Variants in C11orf65 observed in about 807,000 individuals in gnomAD.
The protein encoded by C11orf65 is chromosome 11 open reading frame 65.
Under a neutral mutation model 35.3 loss-of-function variants are expected in C11orf65, and 38 were observed. The observed-to-expected ratio is 1.08, with a 90% confidence interval of 0.83 to 1.41. The LOEUF is 1.41. Among genes scored for constraint, C11orf65 ranks in the 40% most tolerant of loss-of-function variants. The pLI is 0.00. For missense variants in C11orf65, 370 were observed against 367.1 expected, an observed-to-expected ratio of 1.01 and a Z score of -0.06; for synonymous variants, 105 against 114.4, an observed-to-expected ratio of 0.92 and a Z score of 0.53.
chr11:108,439,232 G>A (rs1253900135), intron 2 of C11orf65, among the ~76,000 whole-genome samples: 1 of 152,114 alleles, frequency 6.6e-6, no homozygotes, highest in East Asian at 1.9e-4. Flanking sequence ...CAAAAAAGAT[G>A]ATCAATATCA....
At chr11:108,427,892 G>A (rs1393579844) in intron 3 of C11orf65, among the ~76,000 whole-genome samples, 2 of 117,036 alleles carry the variant, frequency 1.7e-5, no homozygotes, top group East Asian at 2.6e-4. Flanking sequence ...GTGCAGTGGC[G>A]GGATCTCGGC....
intron 1 of C11orf65, among the ~76,000 whole-genome samples, chr11:108,463,458 CTT>C (rs1375174302): frequency 6.6e-6 from 1 of 151,820 alleles, no homozygotes; most frequent in Non-Finnish European, 1.5e-5. Context: ...ATGAAAAAAA[CTT>C]ATGTCTTTTT....
chr11:108,352,928 T>TG (rs1479191024), intron 2 of C11orf65, among the ~76,000 whole-genome samples: 1 of 152,042 alleles, frequency 6.6e-6, no homozygotes, highest in Non-Finnish European at 1.5e-5. Flanking sequence ...GTCAGAGGGC[T>TG]GGGTGATAGG....
intron 2 of C11orf65, chr11:108,366,045 AAAAC>A: frequency 5.7e-6 from 1 of 175,966 alleles, no homozygotes; most frequent in East Asian, 9.8e-5. Context: ...AAAAAAAAAA[AAAAC>A]AGAAACGTAT....
chr11:108,410,676 T>C (rs2092637743), intron 3 of C11orf65, among the ~76,000 whole-genome samples: 1 of 151,648 alleles, frequency 6.6e-6, no homozygotes, highest in Non-Finnish European at 1.5e-5. Flanking sequence ...TATTCATTGA[T>C]TTCTGATTTT....
chr11:108,384,893 A>G (rs1422476652), intron 8 of C11orf65, among the ~76,000 whole-genome samples: 1 of 152,206 alleles, frequency 6.6e-6, no homozygotes. Flanking sequence ...GGCTTTGGCT[A>G]TGTTAAAATT....
At chr11:108,348,114 T>C (rs1042971498) in intron 2 of C11orf65, among the ~76,000 whole-genome samples, 2 of 152,090 alleles carry the variant, frequency 1.3e-5, no homozygotes, top group Non-Finnish European at 2.9e-5. Context: ...TTGTAAATAG[T>C]AAGAAAGTGA....
chr11:108,343,160 T>G (rs916021017), intron 2 of C11orf65: 27 of 1,595,230 alleles, frequency 1.7e-5, no homozygotes, highest in Non-Finnish European at 2.1e-5. Flanking sequence ...GATAGCTGAA[T>G]GATCATCAAA....
At chr11:108,449,255 G>T (rs2093311991) in intron 2 of C11orf65, among the ~76,000 whole-genome samples, 1 of 151,922 alleles carries the variant, frequency 6.6e-6, no homozygotes, top group African/African-American at 2.4e-5. Flanking sequence ...AGCTACCAAT[G>T]ACTTTCTTCA....
At chr11:108,328,982 T>C (rs1430033021), downstream of C11orf65, 1 of 1,558,642 alleles carries the variant, frequency 6.4e-7, no homozygotes, top group Admixed American at 1.7e-5. Flanking sequence ...GTATTTAGTA[T>C]TTGTAAATAT....
intron 8 of C11orf65, among the ~76,000 whole-genome samples, chr11:108,384,298 G>A (rs2091936977): frequency 1.3e-5 from 2 of 152,140 alleles, no homozygotes; most frequent in African/African-American, 4.8e-5. Flanking sequence ...GCAGTGAGCT[G>A]GAAATAGGTG....
chr11:108,406,867 C>T lies in C11orf65; in HGVS notation c.325G>A (p.Ala109Thr). The change falls in exon 5 of 9, where the codon GCA becomes ACA. Residue 109 changes from alanine (A) to threonine (T), a missense_variant. Ala to Thr is a moderately conservative substitution (Grantham distance 58, BLOSUM62 0). Coordinates refer to ENST00000393084, the MANE Select transcript of C11orf65 (RefSeq NM_152587.5). ...TTTTTATTATGAGATGTATGCTTTGCTGGAAGTTTTGCATAATTTCTAGGG... is the reference window on the plus strand; with the variant it reads ...TTTTTATTATGAGATGTATGCTTTGTTGGAAGTTTTGCATAATTTCTAGGG... ...NSPRNYAKLPAKHTSHNKNDH... is the reference protein window; with the variant it reads ...NSPRNYAKLPTKHTSHNKNDH... The T allele has an allele frequency of 1.9e-6, 3 of 1,612,632 alleles. No homozygotes were observed. Among genetic ancestry groups the T allele is most frequent in the East Asian group, 4.5e-5 (2 of 44,800 alleles).
At chr11:108,331,284 C>A (rs2086205069), downstream of C11orf65, 2 of 1,383,652 alleles carry the variant, frequency 1.4e-6, no homozygotes, top group African/African-American at 2.9e-5. Flanking sequence ...GAAAGACCTT[C>A]AGATAAGAAA....
At chr11:108,449,112 C>A (rs1442127592) in intron 2 of C11orf65, among the ~76,000 whole-genome samples, 1 of 152,178 alleles carries the variant, frequency 6.6e-6, no homozygotes. Flanking sequence ...GAACTACAAA[C>A]CACTACTCAG....
intron 2 of C11orf65, chr11:108,365,296 C>G (rs1791487703): frequency 6.2e-7 from 1 of 1,614,032 alleles, no homozygotes; most frequent in Non-Finnish European, 8.5e-7. Flanking sequence ...CTGTTCACCT[C>G]ACTGAAACCT....
chr11:108,463,498 T>C lies in C11orf65; in HGVS notation c.-9-1930A>G, dbSNP rs187624915. On this transcript the variant is annotated intron_variant, in intron 1 of 8. Transcript: ENST00000393084. Reference sequence around the variant, plus strand: ...CTTTCCCTACAAATAGCCTTATTAATATAGGAGGCATGGGAAGACAGGTTA... The same window carrying C: ...CTTTCCCTACAAATAGCCTTATTAACATAGGAGGCATGGGAAGACAGGTTA... 7.1e-4 allele frequency among the ~76,000 whole-genome samples: 108 copies of C among 152,302 alleles called. 1 individual carries two copies. The highest frequency in any genetic ancestry group is 2.5e-3 in the African/African-American group (102 of 41,578).
At chr11:108,333,297 A>C (rs932531894) in intron 3 of C11orf65, among the ~76,000 whole-genome samples, 1 of 152,182 alleles carries the variant, frequency 6.6e-6, no homozygotes, top group Non-Finnish European at 1.5e-5. Context: ...CATTTCTTCC[A>C]TAGGTGCTAA....
chr11:108,360,282 G>T (rs1211562987), intron 2 of C11orf65, among the ~76,000 whole-genome samples: 1 of 151,982 alleles, frequency 6.6e-6, no homozygotes, highest in Non-Finnish European at 1.5e-5. Flanking sequence ...AGTAACAGGA[G>T]CTGAAATTGT....
chr11:108,334,289 G>GT (rs1350840723), intron 3 of C11orf65, among the ~76,000 whole-genome samples: 1 of 152,112 alleles, frequency 6.6e-6, no homozygotes, highest in African/African-American at 2.4e-5. Context: ...TGGCAAGGAA[G>GT]GTTCCAATTG....
Sources: allele counts gnomAD v4.1 joint callset (sites outside exome capture counted in the v4.1 genomes callset), GRCh38; gene constraint gnomAD v4.1.1; transcripts MANE v1.5; gene names NCBI Gene and HGNC (gene_info 2026-07-23, HGNC 2026-07-21).